Variants in GCN1 observed in about 807,000 individuals in gnomAD.
GCN1 encodes the protein stalled ribosome sensor GCN1.
A neutral mutation model predicts 288.4 loss-of-function variants in GCN1; 90 were observed. The observed-to-expected ratio is 0.31, with a 90% CI of 0.26 to 0.37. The LOEUF is 0.37. GCN1 is among the 10% of genes least tolerant of loss of function. GCN1 has a pLI of 1.00. For synonymous variants in GCN1, 1,386 were observed against 1,420.2 expected (o/e 0.98, Z 0.54); for missense variants, 2,586 against 3,419.9 (o/e 0.76, Z 6.08).
At chr12:120,160,347 G>A in intron 22 of GCN1, 92 bp from the exon 23 acceptor site, 1 of 858,484 alleles carries the variant, frequency 1.2e-6, no homozygotes, top group East Asian at 2.5e-5. Context: ...CACACAAACA[G>A]CACCATACCA....
Position 120,158,513 on chromosome 12 carries a change from A to G in GCN1, c.2852T>C (p.Val951Ala). The G allele has an allele frequency of 1.3e-6, 2 of 1,574,080 alleles. No homozygotes were observed. The highest frequency in any genetic ancestry group is 1.7e-6 in the Non-Finnish European group (2 of 1,159,230). ...GATGGTGTGGGTGTGCAGCAGCATC[A>G]CCGCCCTCTTCACAGCCACCGACAG... Reference protein sequence around the residue: ...EELSVAVKRAVMLLHTHTITS... With the variant: ...EELSVAVKRAAMLLHTHTITS... The change falls in exon 25 of 58, where the codon GTG (valine) becomes GCG (alanine). Residue 951 changes from valine to alanine, a missense_variant. Coordinates refer to ENST00000300648, the MANE Select transcript of GCN1 (RefSeq NM_006836.2). This position sits in a 1 kb window ranked among gnomAD's most constrained non-coding sequence, Gnocchi z 4.3.
In GCN1 at chr12:120,132,039, G is replaced by A. The variant is rs1418250933; in HGVS notation, c.7318-17C>T. 2.0e-6 allele frequency: 3 copies of A among 1,504,902 alleles called. No individual in the cohort carries two copies. Among genetic ancestry groups the A allele is most frequent in the Admixed American group, 3.7e-5 (2 of 54,040 alleles). The allele number at this position is 1,504,902 out of a possible 1,614,324, so 93.2% of individuals were successfully genotyped here. A position where few individuals can be genotyped will look rare whatever the true frequency, so the allele number is the denominator to read the frequency against. On this transcript the variant is annotated splice_polypyrimidine_tract_variant and intron_variant, in intron 53 of 57. Transcript: ENST00000300648. ...AGTGTTGTCCTGACAGGGAAGAGAA[G>A]GGAGTGAGGGGGTGCAGGGAACAAC... is the stretch of plus-strand genomic sequence containing the variant.
chr12:120,151,206 C>T lies in GCN1; in HGVS notation c.4248G>A (p.Gln1416=). ...CATCAGTCAGTGCCGCCATCATCTC[C>T]TGTTGCTTCAGCGAGAGGATGCCCA... is the stretch of plus-strand genomic sequence containing the variant. The part of the protein sequence containing the change: ...KGLGILSLKQ[Q]EMMAALTDAI... The change falls in exon 34 of 58, where the codon CAG becomes CAA. Residue 1416 remains glutamine (Q), a synonymous_variant. Transcript: ENST00000300648. 10 of 1,614,160 alleles carry T rather than the reference C, an allele frequency of 6.2e-6. No individual in the cohort carries two copies. Among genetic ancestry groups the T allele is most frequent in the Non-Finnish European group, 8.5e-6 (10 of 1,180,010 alleles).
intron 15 of GCN1, 43 bp downstream of exon 15, chr12:120,170,126 G>C (rs1878271018): frequency 6.3e-7 from 1 of 1,577,188 alleles, no homozygotes; most frequent in Non-Finnish European, 8.7e-7. Flanking sequence ...ACTCTTGTCA[G>C]AGGCCCCTGT....
intron 7 of GCN1, 29 bp downstream of exon 7, chr12:120,178,596 A>C: frequency 6.2e-7 from 1 of 1,613,092 alleles, no homozygotes; most frequent in Non-Finnish European, 8.5e-7. Context: ...AACATAGCAA[A>C]CCCACAGTCA....
chr12:120,178,909 G>A lies in GCN1; in HGVS notation c.468C>T (p.Gly156=). The A allele has an allele frequency of 6.2e-7, 1 of 1,613,988 alleles. No individual in the cohort carries two copies. The highest frequency in any genetic ancestry group is 8.5e-7 in the Non-Finnish European group (1 of 1,180,006). ...CACCATCCACGGCGTGCTTGTGGGA[G>A]CCACCCAGCACCTCCAGCAAGAGCA... ...QCLLLLEVLG[G]SHKHAVDGAV... is the part of the protein sequence containing the mutation. Residue 156 remains glycine, a synonymous_variant, in exon 6 of 58, where the codon GGC becomes GGT. Transcript: ENST00000300648.
Position 120,158,375 on chromosome 12 carries a change from G to A in GCN1, c.2905+85C>T. 1.7e-6 allele frequency: 2 copies of A among 1,163,594 alleles called. No individual in the cohort carries two copies. The highest frequency in any genetic ancestry group is 2.4e-6 in the Non-Finnish European group (2 of 836,594). 72.1% of individuals were successfully genotyped at this position (1,163,594 alleles called of 1,614,324 possible). On this transcript the variant is annotated intron_variant, in intron 25 of 57. Transcript: ENST00000300648. The surrounding 1 kb of genome is among the most constrained non-coding windows in gnomAD (Gnocchi z 4.3). ...ATGGTCCAATCCCCCAGGCTCAGGA[G>A]GCCCTGGGTGACGCTGTGCCTTGAG...
chr12:120,147,025 C>T (rs763035641), intron 38 of GCN1, 27 bp downstream of exon 38: 47 of 1,425,782 alleles, frequency 3.3e-5, no homozygotes, highest in Admixed American at 1.3e-4. Context: ...CTGGTCTATC[C>T]CACACTAGCC....
Position 120,155,123 on chromosome 12 carries a change from G to A in GCN1, c.3631-83C>T, listed in dbSNP as rs565228819. The A allele has an allele frequency of 1.0e-4, 153 of 1,516,988 alleles. No individual in the cohort carries two copies. Among genetic ancestry groups the A allele is most frequent in the African/African-American group, 8.2e-4 (60 of 73,058 alleles). 94.0% of individuals were successfully genotyped at this position (1,516,988 alleles called of 1,614,324 possible). On this transcript the variant is annotated intron_variant, in intron 30 of 57. Transcript: ENST00000300648. This position sits in a 1 kb window ranked among gnomAD's most constrained non-coding sequence, Gnocchi z 4.9. Reference sequence around the variant, plus strand: ...AGGATTGTGAGGCAGGAAACTAGCCGCAGCTACCCTGAGCCACCGTGAGCC... The same window carrying A: ...AGGATTGTGAGGCAGGAAACTAGCCACAGCTACCCTGAGCCACCGTGAGCC...
At chr12:120,188,848 CAA>C (rs780062013) in intron 2 of GCN1, among the ~76,000 whole-genome samples, 10 of 70,872 alleles carry the variant, frequency 1.4e-4, no homozygotes, top group Non-Finnish European at 9.2e-5. Flanking sequence ...GACTCCGTCT[CAA>C]AAAAAAAAAA....
chr12:120,174,220 G>A, intron 12 of GCN1, 51 bp from the exon 13 acceptor site: 1 of 1,069,720 alleles, frequency 9.3e-7, no homozygotes, highest in African/African-American at 1.5e-5. Context: ...AACCACAGAG[G>A]CAAGTCTTCC....
intron 31 of GCN1, 93 bp downstream of exon 31, chr12:120,154,877 A>G: frequency 7.8e-7 from 1 of 1,289,266 alleles, no homozygotes; most frequent in Non-Finnish European, 1.1e-6. Context: ...CTGCTCTTTC[A>G]TTAACCCATG....
intron 3 of GCN1, 52 bp downstream of exon 3, chr12:120,184,772 T>C: frequency 2.3e-6 from 3 of 1,308,768 alleles, no homozygotes; most frequent in Non-Finnish European, 3.3e-6. Flanking sequence ...CTACTCTAAA[T>C]CCCCTCTCTG....
intron 24 of GCN1, among the ~76,000 whole-genome samples, chr12:120,159,496 T>C (rs1225066249): frequency 6.6e-6 from 1 of 152,198 alleles, no homozygotes; most frequent in Non-Finnish European, 1.5e-5. Context: ...TCAGGAGATC[T>C]GGGCTGGGCT....
rs1453601114 is a variant in GCN1 at position 120,144,949 on chromosome 12, G to A, written c.5129C>T (p.Ser1710Phe). 13 of 1,614,212 alleles carry A rather than the reference G, an allele frequency of 8.1e-6. No homozygotes were observed. The highest frequency in any genetic ancestry group is 1.0e-5 in the Non-Finnish European group (12 of 1,180,040). The change falls in exon 40 of 58, where the codon TCT becomes TTT. Residue 1710 changes from serine to phenylalanine, a missense_variant. This residue lies in a region of GCN1 where 371 missense variants were observed against 572.6 expected (regional missense o/e 0.65). Coordinates refer to ENST00000300648, the MANE Select transcript of GCN1 (RefSeq NM_006836.2). The surrounding 1 kb of genome is among the most constrained non-coding windows in gnomAD (Gnocchi z 4.7). ...LMETLTYEQS[S>F]VDRSGAAQGL... is the part of the protein sequence containing the mutation. The stretch of plus-strand genomic sequence containing the variant: ...CTGTGCAGCGCCTGAGCGATCCACA[G>A]AGCTCTGCTCATAGGTCAGTGTCTC...
rs528267868 is a variant in GCN1 at position 120,178,587 on chromosome 12, A to G, written c.660+38T>C. 5 of 1,611,906 alleles carry G rather than the reference A, an allele frequency of 3.1e-6. No individual in the cohort carries two copies. In the African/African-American group the frequency reaches 5.3e-5, roughly 17 times the overall value. ...CTCCAGCGAGCTCCCAACATCCCCA[A>G]CATAGCAAACCCACAGTCACTCTGC... On this transcript the variant is annotated intron_variant, in intron 7 of 57. Transcript: ENST00000300648.
intron 9 of GCN1, among the ~76,000 whole-genome samples, chr12:120,177,075 T>C (rs888148922): frequency 7.2e-5 from 11 of 152,182 alleles, no homozygotes; most frequent in Non-Finnish European, 4.4e-5. Flanking sequence ...CTCTTGTTTT[T>C]TGAGATAGGG....
At chr12:120,129,519 T>C (rs948192312) in intron 56 of GCN1, 25 bp from the exon 57 acceptor site, 50 of 1,534,318 alleles carry the variant, frequency 3.3e-5, no homozygotes, top group Non-Finnish European at 4.5e-5. Context: ...ACAAACAGGC[T>C]TTTGGATAGG....
At position 120,142,887 on chromosome 12, in the gene GCN1, A is replaced by C; in HGVS notation, c.5550T>G (p.Thr1850=). ...AGGCAGTTTCTGTGGTCATCTTCCC[A>C]GTGACTCCTGAGATGTGAAACAGGA... The part of the protein sequence containing the change: ...GDLLFHISGV[T]GKMTTETASE... The change falls in exon 43 of 58, where the codon ACT becomes ACG. Residue 1850 remains threonine, a synonymous_variant. Transcript: ENST00000300648. The surrounding 1 kb of genome is among the most constrained non-coding windows in gnomAD (Gnocchi z 4.9). 6.2e-7 allele frequency: 1 copy of C among 1,614,004 alleles called. No homozygotes were observed. Among genetic ancestry groups the C allele is most frequent in the South Asian group, 1.1e-5 (1 of 91,078 alleles).
Sources: gnomAD v4.1 joint callset for allele counts (sites outside exome capture counted in the v4.1 genomes callset) on GRCh38, gnomAD v4.1.1 for gene constraint, gnomAD v4.1.1 regional missense constraint, Gnocchi (gnomAD v3.1) non-coding constraint, MANE v1.5 for transcripts, NCBI Gene and HGNC (gene_info 2026-07-23, HGNC 2026-07-21) for gene names.